Variants in TEK observed in about 807,000 individuals in gnomAD.
TEK encodes the protein angiopoietin-1 receptor.
A neutral mutation model predicts 131.8 loss-of-function variants in TEK; 43 were observed. That is an observed-to-expected ratio of 0.33 (90% CI 0.26 to 0.42). TEK has a LOEUF of 0.42. Among genes scored for constraint, TEK ranks in the 10% least tolerant of loss-of-function variants. The probability of loss-of-function intolerance (pLI) is 1.00; values close to 1 mark genes in which losing one functional copy is unlikely to be tolerated. For synonymous variants in TEK, 580 were observed against 491.6 expected (o/e 1.18, Z -2.38); for missense variants, 1,162 against 1,384.4 (o/e 0.84, Z 2.55).
At chr9:27,179,430 C>T (rs146065636) in intron 6 of TEK, among the ~76,000 whole-genome samples, 129 of 152,312 alleles carry the variant, frequency 8.5e-4, no homozygotes, top group South Asian at 4.8e-3. Flanking sequence ...ACATCTGAGT[C>T]ATCACAGTTG....
intron 15 of TEK, 76 bp from the exon 16 acceptor site, chr9:27,209,045 T>A: frequency 1.0e-6 from 1 of 971,754 alleles, no homozygotes; most frequent in South Asian, 1.3e-5. Context: ...CTGAAGGTTC[T>A]TAGGGGGCAG....
At chr9:27,175,157 T>G (rs1587552492) in intron 6 of TEK, among the ~76,000 whole-genome samples, 1 of 107,884 alleles carries the variant, frequency 9.3e-6, no homozygotes, top group Non-Finnish European at 1.8e-5. Context: ...CCCACAACAG[T>G]CCCCAGAGTG....
intron 1 of TEK, among the ~76,000 whole-genome samples, chr9:27,124,296 C>A (rs570312631): frequency 2.6e-5 from 4 of 152,358 alleles, no homozygotes; most frequent in African/African-American, 9.6e-5. Context: ...ATGCTTGACA[C>A]AGCTGAGTAG....
intron 12 of TEK, among the ~76,000 whole-genome samples, chr9:27,200,023 T>A (rs1238818703): frequency 6.6e-6 from 1 of 152,190 alleles, no homozygotes; most frequent in African/African-American, 2.4e-5. Context: ...AAAATGTTAT[T>A]TTGGGGTGCA....
At position 27,209,113 on chromosome 9, in the gene TEK, C is replaced by G. The variant is rs367735464; in HGVS notation, c.2576-8C>G. ...AAGAAGAATCACAACCCTTGACTTT[C>G]TTCCCAGAATATGCCTCCAAAGATG... On this transcript the variant is annotated splice_polypyrimidine_tract_variant and splice_region_variant and intron_variant, in intron 15 of 22. Coordinates refer to ENST00000380036, the MANE Select transcript of TEK (RefSeq NM_000459.5). The G allele has an allele frequency of 1.9e-6, 3 of 1,603,646 alleles. No individual in the cohort carries two copies. The highest frequency in any genetic ancestry group is 1.1e-5 in the South Asian group (1 of 90,876).
intron 9 of TEK, among the ~76,000 whole-genome samples, chr9:27,189,653 G>A (rs910110369): frequency 6.6e-6 from 1 of 152,146 alleles, no homozygotes; most frequent in Non-Finnish European, 1.5e-5. Flanking sequence ...TGATGTTGTA[G>A]ACTTTGAAGG....
chr9:27,227,600 C>T (rs989188711), intron 21 of TEK, among the ~76,000 whole-genome samples: 16 of 152,152 alleles, frequency 1.1e-4, no homozygotes, highest in African/African-American at 3.6e-4. Context: ...TGTGTCCTCA[C>T]GTGGCACTAG....
chr9:27,188,147 G>A (rs76515139), intron 9 of TEK, among the ~76,000 whole-genome samples: 9,114 of 152,216 alleles, frequency 0.06, 319 homozygotes, highest in Middle Eastern at 0.092. Flanking sequence ...CTAAAGAACA[G>A]GCAATACTAA....
chr9:27,140,139 G>T (rs78759980), intron 1 of TEK, among the ~76,000 whole-genome samples: 3 of 152,106 alleles, frequency 2.0e-5, no homozygotes, highest in Non-Finnish European at 4.4e-5. Context: ...ATTTAAGTTA[G>T]GCAAATTCAA....
chr9:27,205,509 T>C (rs751948526), intron 14 of TEK, among the ~76,000 whole-genome samples: 3 of 152,220 alleles, frequency 2.0e-5, no homozygotes, highest in Non-Finnish European at 2.9e-5. Flanking sequence ...CATTTCTTTC[T>C]AGTAAGTCCC....
intron 1 of TEK, among the ~76,000 whole-genome samples, chr9:27,152,590 GC>G (rs370861168): frequency 7.1e-6 from 1 of 141,494 alleles, no homozygotes; most frequent in Non-Finnish European, 1.5e-5. Flanking sequence ...CTTATATGAA[GC>G]CCCCCCGCCG....
chr9:27,153,431 C>T lies in TEK; in HGVS notation c.53-4400C>T, dbSNP rs189785406. Among the ~76,000 whole-genome samples the T allele has an allele frequency of 9.3e-4, 141 of 152,328 alleles. 1 individual carries two copies. Among genetic ancestry groups the T allele is most frequent in the Admixed American group, 7.8e-4 (12 of 15,306 alleles). On this transcript the variant is annotated intron_variant, in intron 1 of 22. Transcript: ENST00000380036. Reference sequence around the variant, plus strand: ...CACCATTGTACTCCAGCCTGGGCGACAGGGCGAGACTCCGTCTCAAAAAAA... The same window carrying T: ...CACCATTGTACTCCAGCCTGGGCGATAGGGCGAGACTCCGTCTCAAAAAAA...
intron 21 of TEK, among the ~76,000 whole-genome samples, chr9:27,220,898 C>T (rs1289158348): frequency 6.6e-6 from 1 of 152,194 alleles, no homozygotes; most frequent in Non-Finnish European, 1.5e-5. Flanking sequence ...TCTTTTCATA[C>T]CCCAGTGGCA....
chr9:27,213,605 CCAGA>C lies in TEK; in HGVS notation c.2991+11_2991+14del. On this transcript the variant is annotated intron_variant, in intron 18 of 22. Transcript: ENST00000380036. ...TATGTGAAAAAGACAATGGTAAGTG[CCAGA>C]CACAGACACTGATCGCATCCTTTCC... 6.3e-7 allele frequency: 1 copy of C among 1,594,644 alleles called. No individual in the cohort carries two copies. Among genetic ancestry groups the C allele is most frequent in the Non-Finnish European group, 8.6e-7 (1 of 1,162,496 alleles).
intron 6 of TEK, among the ~76,000 whole-genome samples, chr9:27,176,349 G>C (rs1824171568): frequency 6.6e-6 from 1 of 152,174 alleles, no homozygotes; most frequent in African/African-American, 2.4e-5. Flanking sequence ...AAGTCATTCA[G>C]AACACTTTGC....
At chr9:27,136,284 G>A (rs1001266954) in intron 1 of TEK, among the ~76,000 whole-genome samples, 2 of 152,074 alleles carry the variant, frequency 1.3e-5, no homozygotes, top group African/African-American at 4.8e-5. Context: ...GTTTCACCAT[G>A]TTGCCCAGGC....
intron 1 of TEK, 76 bp downstream of exon 1, chr9:27,109,718 A>G: frequency 2.1e-6 from 3 of 1,456,458 alleles, no homozygotes; most frequent in South Asian, 2.3e-5. Flanking sequence ...CTCTCCCCAA[A>G]TCTCATCAGT....
intron 2 of TEK, among the ~76,000 whole-genome samples, chr9:27,158,365 GTGAGA>G (rs147973897): frequency 0.021 from 3,254 of 152,224 alleles, 108 homozygotes; most frequent in African/African-American, 0.074. Context: ...TGCCTACTTT[GTGAGA>G]TGAAATATTT....
intron 8 of TEK, among the ~76,000 whole-genome samples, chr9:27,184,683 C>T (rs1484993116): frequency 2.0e-5 from 3 of 151,708 alleles, no homozygotes; most frequent in African/African-American, 7.3e-5. Flanking sequence ...CCTAGTGTCT[C>T]TTTTTTTTGG....
Sources: allele counts gnomAD v4.1 joint callset (sites outside exome capture counted in the v4.1 genomes callset), GRCh38; gene constraint gnomAD v4.1.1; transcripts MANE v1.5; gene names NCBI Gene and HGNC (gene_info 2026-07-23, HGNC 2026-07-21).